AFF3: variants seen among roughly 807,000 people sequenced by gnomAD.
AFF3 encodes ALF transcription elongation factor 3.
Under a neutral mutation model 129.7 loss-of-function variants are expected in AFF3, and 32 were observed. The ratio of observed to expected loss-of-function variants is 0.25; its 90% CI spans 0.19 to 0.33. The LOEUF is 0.33. Ranked by LOEUF, AFF3 falls within the 10% of genes least tolerant of loss-of-function variation. The pLI is 1.00. For synonymous variants in AFF3, 644 were observed against 635.4 expected (o/e 1.01, Z -0.20); for missense variants, 1,373 against 1,592.0 (o/e 0.86, Z 2.34).
chr2:100,047,958 G>A (rs940733283), intron 4 of AFF3, among the ~76,000 whole-genome samples: 6 of 152,142 alleles, frequency 3.9e-5, no homozygotes, highest in Non-Finnish European at 7.3e-5. Context: ...TATTACTGCC[G>A]TTGTACCTGC....
At chr2:99,562,794 A>G (rs1485732152) in intron 20 of AFF3, among the ~76,000 whole-genome samples, 1 of 152,200 alleles carries the variant, frequency 6.6e-6, no homozygotes, top group Non-Finnish European at 1.5e-5. Flanking sequence ...TAGGTCTAGC[A>G]GGAAGGCCCT....
At chr2:99,954,532 T>C (rs1053166592) in intron 7 of AFF3, among the ~76,000 whole-genome samples, 6 of 151,812 alleles carry the variant, frequency 4.0e-5, no homozygotes, top group Non-Finnish European at 7.4e-5. Flanking sequence ...CCAACAATGA[T>C]AGACTGGATT....
At chr2:100,011,660 A>T in intron 4 of AFF3, 1 of 757,406 alleles carries the variant, frequency 1.3e-6, no homozygotes, top group Non-Finnish European at 2.5e-6. Context: ...CTGTCAGCAT[A>T]TTTTCCAGAA....
At chr2:99,730,808 C>T (rs777417700) in intron 10 of AFF3, among the ~76,000 whole-genome samples, 70 of 151,962 alleles carry the variant, frequency 4.6e-4, no homozygotes, top group African/African-American at 1.4e-3. Flanking sequence ...CCACCGTGCT[C>T]GGCCATATAC....
At chr2:99,607,158 G>C (rs1005797555) in intron 13 of AFF3, among the ~76,000 whole-genome samples, 1 of 152,066 alleles carries the variant, frequency 6.6e-6, no homozygotes, top group African/African-American at 2.4e-5. Context: ...TGATCTGCTT[G>C]GTGTGTTTCT....
At chr2:99,552,579 A>G (rs1273168509) in intron 24 of AFF3, among the ~76,000 whole-genome samples, 2 of 152,142 alleles carry the variant, frequency 1.3e-5, no homozygotes, top group Non-Finnish European at 2.9e-5. Context: ...TCTTGGGAGT[A>G]AGCATCTGGG....
At chr2:99,796,093 C>T (rs896844941) in intron 8 of AFF3, among the ~76,000 whole-genome samples, 1 of 152,124 alleles carries the variant, frequency 6.6e-6, no homozygotes, top group Non-Finnish European at 1.5e-5. Context: ...ATTTATTCCT[C>T]TTAAACTCTC....
chr2:99,673,003 A>T (rs1431801661), intron 11 of AFF3, among the ~76,000 whole-genome samples: 1 of 152,162 alleles, frequency 6.6e-6, no homozygotes, highest in Non-Finnish European at 1.5e-5. Flanking sequence ...GAATCCCTGT[A>T]TCAAAATATC....
chr2:99,595,396 A>C (rs144566161), intron 14 of AFF3, among the ~76,000 whole-genome samples: 3 of 152,304 alleles, frequency 2.0e-5, no homozygotes, highest in Admixed American at 2.0e-4. Flanking sequence ...CCACCTTTCG[A>C]ATTCGTGGCA....
intron 7 of AFF3, among the ~76,000 whole-genome samples, chr2:99,960,069 A>T (rs551537972): frequency 6.6e-6 from 1 of 152,188 alleles, no homozygotes; most frequent in Non-Finnish European, 1.5e-5. Context: ...TGAATAAGGT[A>T]AACAGATTTG....
intron 13 of AFF3, among the ~76,000 whole-genome samples, chr2:99,609,054 G>A (rs564374451): frequency 6.6e-6 from 1 of 151,842 alleles, no homozygotes; most frequent in Non-Finnish European, 1.5e-5. Context: ...ACAAACAAGG[G>A]GTGAACCAAA....
intron 4 of AFF3, among the ~76,000 whole-genome samples, chr2:100,071,536 G>A (rs919960425): frequency 6.6e-6 from 1 of 152,146 alleles, no homozygotes; most frequent in South Asian, 2.1e-4. Context: ...TCGGGAGAGA[G>A]GAAGTGTGGT....
intron 7 of AFF3, among the ~76,000 whole-genome samples, chr2:99,840,019 T>A (rs1012431091): frequency 6.7e-6 from 1 of 150,000 alleles, no homozygotes; most frequent in Non-Finnish European, 1.5e-5. Flanking sequence ...TTGGGTTGCC[T>A]TTTTATTGTT....
At chr2:99,643,185 G>C (rs996317674) in intron 13 of AFF3, among the ~76,000 whole-genome samples, 6 of 149,910 alleles carry the variant, frequency 4.0e-5, no homozygotes, top group Non-Finnish European at 7.4e-5. Flanking sequence ...TCAGCCTCCT[G>C]AGTAGCTGGG....
At chr2:99,553,259 C>A (rs1373427107) in intron 24 of AFF3, among the ~76,000 whole-genome samples, 1 of 152,188 alleles carries the variant, frequency 6.6e-6, no homozygotes, top group Non-Finnish European at 1.5e-5. Context: ...TAGCAAGCTC[C>A]TCCTGGTGGC....
chr2:99,684,490 T>C (rs535523936), intron 11 of AFF3, among the ~76,000 whole-genome samples: 18 of 152,146 alleles, frequency 1.2e-4, no homozygotes, highest in Non-Finnish European at 2.5e-4. Context: ...CATAAGCAGA[T>C]CGTATAAACG....
chr2:99,630,745 C>T (rs149126127), intron 13 of AFF3: 238 of 172,576 alleles, frequency 1.4e-3, no homozygotes, highest in Non-Finnish European at 2.4e-3. Flanking sequence ...CTTTTAAAAC[C>T]ATCACCTTGA....
chr2:100,042,080 C>T (rs952275041), intron 4 of AFF3, among the ~76,000 whole-genome samples: 6 of 152,166 alleles, frequency 3.9e-5, no homozygotes, highest in Admixed American at 6.5e-5. Context: ...GCCCCCGGCC[C>T]GGCCCCACCA....
intron 13 of AFF3, chr2:99,631,155 C>T (rs913021892): frequency 3.7e-6 from 1 of 270,906 alleles, no homozygotes; most frequent in Non-Finnish European, 8.0e-6. Flanking sequence ...CCAGGACTAG[C>T]ACTCTAGAAA....
Sources: allele counts gnomAD v4.1 joint callset (sites outside exome capture counted in the v4.1 genomes callset), GRCh38; gene constraint gnomAD v4.1.1; transcripts MANE v1.5; gene names NCBI Gene and HGNC (gene_info 2026-07-23, HGNC 2026-07-21).